Variants in SH3GL3 observed in about 807,000 individuals in gnomAD.
SH3GL3 encodes the protein endophilin-A3.
SH3GL3 carries 33 observed loss-of-function variants against 47.7 expected under a neutral mutation model. That is an observed-to-expected ratio of 0.69 (90% CI 0.52 to 0.92). The LOEUF is 0.92. SH3GL3 is among the 40% of genes least tolerant of loss of function. The probability of loss-of-function intolerance (pLI) is 0.00; values close to 1 mark genes in which losing one functional copy is unlikely to be tolerated. For synonymous variants in SH3GL3, 155 were observed against 148.8 expected (o/e 1.04, Z -0.30); for missense variants, 363 against 417.8 (o/e 0.87, Z 1.14).
intron 2 of SH3GL3, among the ~76,000 whole-genome samples, chr15:83,562,464 G>A (rs1255497588): frequency 6.6e-6 from 1 of 152,090 alleles, no homozygotes; most frequent in Admixed American, 6.6e-5. Context: ...ATATATCAAA[G>A]GGAGCACTCT....
At chr15:83,586,711 A>T (rs958524150) in intron 6 of SH3GL3, among the ~76,000 whole-genome samples, 1 of 152,256 alleles carries the variant, frequency 6.6e-6, no homozygotes, top group African/African-American at 2.4e-5. Context: ...CTGCTGAGAA[A>T]AATCATCATC....
intron 1 of SH3GL3, among the ~76,000 whole-genome samples, chr15:83,489,937 G>A (rs1179031179): frequency 6.6e-6 from 1 of 152,148 alleles, no homozygotes; most frequent in East Asian, 1.9e-4. Flanking sequence ...ATAGATAGAT[G>A]ACAGATAGAT....
In SH3GL3 at chr15:83,461,040, G is replaced by A. The variant is rs575654701; in HGVS notation, c.45+13462G>A. ...GGAGCTTGTAGTGAGCCGAGATCACGCCACTGCACTTCAGCCTGGGCGACA... is the reference window on the plus strand; with the variant it reads ...GGAGCTTGTAGTGAGCCGAGATCACACCACTGCACTTCAGCCTGGGCGACA... On this transcript the variant is annotated intron_variant, in intron 1 of 8. Coordinates refer to ENST00000427482, the MANE Select transcript of SH3GL3 (RefSeq NM_003027.5). Among the ~76,000 whole-genome samples the A allele has an allele frequency of 3.2e-3, 484 of 151,294 alleles. 3 individuals are homozygous for A. The highest frequency in any genetic ancestry group is 9.8e-3 in the African/African-American group (403 of 41,178).
At chr15:83,587,215 C>T (rs1276188735) in intron 7 of SH3GL3, 129 bp downstream of exon 7, 4 of 579,124 alleles carry the variant, frequency 6.9e-6, no homozygotes, top group Admixed American at 6.4e-5. Context: ...TTTTCTTTCA[C>T]TGGCTTTCAT....
At chr15:83,591,964 G>T (rs547120022) in intron 8 of SH3GL3, among the ~76,000 whole-genome samples, 1 of 152,122 alleles carries the variant, frequency 6.6e-6, no homozygotes, top group African/African-American at 2.4e-5. Flanking sequence ...TGAGCCACCA[G>T]GCCGGGCCAT....
intron 1 of SH3GL3, among the ~76,000 whole-genome samples, chr15:83,484,756 C>G (rs1035798044): frequency 6.6e-6 from 1 of 152,144 alleles, no homozygotes. Flanking sequence ...AGTTGATGCT[C>G]ACTTTGCCAT....
chr15:83,509,903 A>G (rs531815232), intron 1 of SH3GL3, among the ~76,000 whole-genome samples: 2 of 152,232 alleles, frequency 1.3e-5, no homozygotes, highest in East Asian at 3.9e-4. Flanking sequence ...ACACTGCGCA[A>G]ATATGTTTGG....
chr15:83,620,547 G>C (rs2060912204), downstream of SH3GL3, among the ~76,000 whole-genome samples: 1 of 152,212 alleles, frequency 6.6e-6, no homozygotes. Flanking sequence ...TGTTAGCAGA[G>C]ATATTGTGAA....
intron 1 of SH3GL3, chr15:83,490,728 G>GA: frequency 6.4e-7 from 1 of 1,562,792 alleles, no homozygotes. Context: ...TCATCCTTTG[G>GA]AATTTGTTCA....
intron 1 of SH3GL3, among the ~76,000 whole-genome samples, chr15:83,491,188 G>T (rs534639100): frequency 7.9e-5 from 12 of 152,324 alleles, no homozygotes; most frequent in African/African-American, 2.6e-4. Context: ...TGGTCAGTAA[G>T]TGTCTCTTGC....
chr15:83,633,282 A>G, the SH3GL3 span, among the ~76,000 whole-genome samples: 2 of 152,222 alleles, frequency 1.3e-5, no homozygotes, highest in African/African-American at 4.8e-5. Flanking sequence ...ATTGTAACCC[A>G]GTATCCCCAT....
chr15:83,477,903 T>A (rs2041173090), intron 1 of SH3GL3, among the ~76,000 whole-genome samples: 1 of 152,196 alleles, frequency 6.6e-6, no homozygotes, highest in African/African-American at 2.4e-5. Context: ...TTTATTTGAT[T>A]TACTTCTCTG....
At chr15:83,619,234 A>G (rs2151856442), downstream of SH3GL3, among the ~76,000 whole-genome samples, 2 of 152,350 alleles carry the variant, frequency 1.3e-5, no homozygotes, top group Middle Eastern at 6.8e-3. Flanking sequence ...ACCTAGGATC[A>G]AACGACCACA....
At chr15:83,522,715 G>A (rs1189132940) in intron 1 of SH3GL3, among the ~76,000 whole-genome samples, 6 of 152,148 alleles carry the variant, frequency 3.9e-5, no homozygotes, top group African/African-American at 1.2e-4. Flanking sequence ...ATAAAGAAGA[G>A]GCAAAATATA....
chr15:83,589,125 ATTT>A (rs769900621), intron 8 of SH3GL3, among the ~76,000 whole-genome samples: 1 of 152,138 alleles, frequency 6.6e-6, no homozygotes, highest in Non-Finnish European at 1.5e-5. Context: ...CTGCATCGTT[ATTT>A]TTTATTAAAC....
At chr15:83,506,582 A>C (rs545769438) in intron 1 of SH3GL3, among the ~76,000 whole-genome samples, 133 of 152,236 alleles carry the variant, frequency 8.7e-4, no homozygotes, top group Admixed American at 2.2e-3. Flanking sequence ...GATCCCTTTA[A>C]TATTAACATA....
intron 1 of SH3GL3, among the ~76,000 whole-genome samples, chr15:83,543,335 G>C (rs2044252367): frequency 6.6e-6 from 1 of 151,948 alleles, no homozygotes; most frequent in Non-Finnish European, 1.5e-5. Flanking sequence ...ATCCTACTTG[G>C]TCATGATGAA....
the SH3GL3 span, among the ~76,000 whole-genome samples, chr15:83,624,684 A>C: frequency 6.6e-6 from 1 of 152,214 alleles, no homozygotes; most frequent in Non-Finnish European, 1.5e-5. Flanking sequence ...GCAGGGGTCT[A>C]GGAATAAAAT....
chr15:83,507,210 G>C (rs572468428), intron 1 of SH3GL3, among the ~76,000 whole-genome samples: 5 of 151,714 alleles, frequency 3.3e-5, no homozygotes, highest in Admixed American at 6.6e-5. Context: ...GGGTTTCACC[G>C]TGTTAACCAG....
Sources: gnomAD v4.1 joint callset for allele counts (sites outside exome capture counted in the v4.1 genomes callset) on GRCh38, gnomAD v4.1.1 for gene constraint, MANE v1.5 for transcripts, NCBI Gene and HGNC (gene_info 2026-07-23, HGNC 2026-07-21) for gene names.